The following DYTN variants were observed in gnomAD, a reference collection of about 807,000 sequenced individuals.
The protein encoded by DYTN is dystrotelin.
In DYTN, 75 loss-of-function variants were observed where a neutral mutation model predicts 69.6. That is an observed-to-expected ratio of 1.08 (90% CI 0.89 to 1.31). The LOEUF is 1.31. DYTN is among the 50% of genes most tolerant of loss of function. The pLI is 0.00. For synonymous variants in DYTN, 252 were observed against 249.1 expected (o/e 1.01, Z -0.11); for missense variants, 726 against 688.4 (o/e 1.05, Z -0.61).
intron 7 of DYTN, among the ~76,000 whole-genome samples, chr2:206,698,191 T>C (rs1699940935): frequency 6.6e-6 from 1 of 152,216 alleles, no homozygotes; most frequent in African/African-American, 2.4e-5. Context: ...CCTGCTTGCT[T>C]GGTTTCCAAC....
rs777967789 is a variant in DYTN at position 206,663,390 on chromosome 2, C to A, written c.1146G>T (p.Arg382Ser). Reference protein sequence around the residue: ...LQQIRRDLQARLQPPGPSSSS... With the variant: ...LQQIRRDLQASLQPPGPSSSS... ...AAGATGAAGGACCGGGTGGCTGCAACCTTGCCTGGGGAAACAAAACTTTAT... is the reference window on the plus strand; with the variant it reads ...AAGATGAAGGACCGGGTGGCTGCAAACTTGCCTGGGGAAACAAAACTTTAT... The change falls in exon 11 of 12, where the codon AGG (arginine) becomes AGT (serine). Residue 382 changes from arginine to serine, a missense_variant. By Grantham distance (110) the Arg-to-Ser change is moderately radical. Transcript: ENST00000452335. The A allele has an allele frequency of 1.9e-6, 3 of 1,581,342 alleles. No homozygotes were observed. Among genetic ancestry groups the A allele is most frequent in the African/African-American group, 2.7e-5 (2 of 73,266 alleles).
At chr2:206,655,053 G>A (rs1255649256) in intron 11 of DYTN, among the ~76,000 whole-genome samples, 1 of 152,094 alleles carries the variant, frequency 6.6e-6, no homozygotes, top group African/African-American at 2.4e-5. Flanking sequence ...CTTTGTTCCT[G>A]ATCTTAAAGA....
Position 206,668,080 on chromosome 2 carries a change from T to C in DYTN, c.981-2051A>G, listed in dbSNP as rs1239482726. Among the ~76,000 whole-genome samples the C allele has an allele frequency of 2.0e-5, 3 of 152,218 alleles. No homozygotes were observed. In the East Asian group the frequency reaches 5.8e-4, roughly 29 times the overall value. On this transcript the variant is annotated intron_variant, in intron 9 of 11. Transcript: ENST00000452335. ...TGGAGTTTCAGGTATATCTTTATGA[T>C]GGGTTTCTCAGAAAGGAGTCAGCCC...
intron 11 of DYTN, among the ~76,000 whole-genome samples, chr2:206,662,065 C>T (rs1247042469): frequency 6.6e-6 from 1 of 152,166 alleles, no homozygotes. Context: ...CACATAATCA[C>T]AAGGGTAAAT....
At chr2:206,700,359 G>A in intron 5 of DYTN, 143 bp from the exon 6 acceptor site, 1 of 859,478 alleles carries the variant, frequency 1.2e-6, no homozygotes, top group Non-Finnish European at 1.9e-6. Context: ...CTCAATCCAA[G>A]AGAACAAAGA....
At chr2:206,684,673 C>G (rs1699786356) in intron 9 of DYTN, among the ~76,000 whole-genome samples, 1 of 152,126 alleles carries the variant, frequency 6.6e-6, no homozygotes, top group Non-Finnish European at 1.5e-5. Context: ...GTCTAAGGGC[C>G]ATTTGCAACT....
At chr2:206,682,357 G>A (rs2105894168) in intron 9 of DYTN, among the ~76,000 whole-genome samples, 1 of 152,136 alleles carries the variant, frequency 6.6e-6, no homozygotes, top group South Asian at 2.1e-4. Flanking sequence ...CTTTTCAAGG[G>A]TAAAAGGTCA....
intron 9 of DYTN, among the ~76,000 whole-genome samples, chr2:206,684,653 CT>C (rs1354868267): frequency 1.3e-5 from 2 of 152,146 alleles, no homozygotes; most frequent in African/African-American, 4.8e-5. Context: ...GGTTGAGCAT[CT>C]TTTTGGGTGT....
At chr2:206,692,949 A>G (rs1028117195) in intron 9 of DYTN, among the ~76,000 whole-genome samples, 2 of 152,092 alleles carry the variant, frequency 1.3e-5, no homozygotes, top group African/African-American at 4.8e-5. Context: ...TGTAGAAATA[A>G]CTCTAAACAT....
intron 1 of DYTN, among the ~76,000 whole-genome samples, chr2:206,717,166 A>G (rs1003563950): frequency 6.6e-6 from 1 of 152,218 alleles, no homozygotes; most frequent in African/African-American, 2.4e-5. Context: ...AGAAATAGTA[A>G]CACAAGCTAC....
intron 5 of DYTN, 82 bp downstream of exon 5, chr2:206,704,761 A>C: frequency 3.3e-6 from 4 of 1,196,470 alleles, no homozygotes; most frequent in Non-Finnish European, 4.8e-6. Flanking sequence ...TAGACTTGAC[A>C]CTGGAGACAT....
At chr2:206,652,582 T>C (rs1574583137) in intron 11 of DYTN, among the ~76,000 whole-genome samples, 1 of 152,364 alleles carries the variant, frequency 6.6e-6, no homozygotes, top group African/African-American at 2.4e-5. Context: ...CACACCAAAG[T>C]ATTTTTGTGA....
chr2:206,717,515 T>C (rs1700141079), intron 1 of DYTN, among the ~76,000 whole-genome samples: 1 of 152,208 alleles, frequency 6.6e-6, no homozygotes, highest in Non-Finnish European at 1.5e-5. Context: ...TGAGACACAC[T>C]GCCTTAGAAA....
At position 206,662,928 on chromosome 2, in the gene DYTN, A is replaced by T. The variant is rs949975065; in HGVS notation, c.1608T>A (p.Asp536Glu). The T allele has an allele frequency of 3.7e-6, 6 of 1,613,344 alleles. No individual in the cohort carries two copies. In the African/African-American group the frequency reaches 8.0e-5, roughly 22 times the overall value. Residue 536 changes from aspartate to glutamate, a missense_variant, in exon 11 of 12, where the codon GAT (aspartate) becomes GAA (glutamate). Physicochemically the swap from Asp to Glu is conservative, Grantham distance 45 (BLOSUM62 2). Transcript: ENST00000452335. ...ELQELLSKLMDAFNLETPSGP... is the reference protein window; with the variant it reads ...ELQELLSKLMEAFNLETPSGP... ...CTGATGGCGTTTCTAGATTGAAGGCATCCATAAGTTTTGACAATAGTTCTT... is the reference window on the plus strand; with the variant it reads ...CTGATGGCGTTTCTAGATTGAAGGCTTCCATAAGTTTTGACAATAGTTCTT...
intron 7 of DYTN, among the ~76,000 whole-genome samples, chr2:206,697,357 A>AT (rs1699930501): frequency 6.6e-6 from 1 of 151,866 alleles, no homozygotes; most frequent in South Asian, 2.1e-4. Flanking sequence ...TCCTTCTAGA[A>AT]TTTTTTTCTT....
rs1323171805 is a variant in DYTN at position 206,662,985 on chromosome 2, C to A, written c.1551G>T (p.Glu517Asp). ...CCTCTTCCTCCAGCTCATCCTTTCT[C>A]TCCTTGATGTTACCTGCCTCTTTCT... ...VEKKEAGNIKERKDELEEEEL... is the reference protein window; with the variant it reads ...VEKKEAGNIKDRKDELEEEEL... Residue 517 changes from glutamate to aspartate, a missense_variant, in exon 11 of 12, where the codon GAG becomes GAT. By Grantham distance (45) the Glu-to-Asp change is conservative. Coordinates refer to ENST00000452335, the MANE Select transcript of DYTN (RefSeq NM_001093730.1). The A allele has an allele frequency of 1.2e-6, 2 of 1,613,826 alleles. No homozygotes were observed. Among genetic ancestry groups the A allele is most frequent in the Non-Finnish European group, 1.7e-6 (2 of 1,179,860 alleles).
In DYTN at chr2:206,662,967, C is replaced by T; in HGVS notation, c.1569G>A (p.Glu523=). The T allele has an allele frequency of 1.9e-6, 3 of 1,613,796 alleles. No individual in the cohort carries two copies. The highest frequency in any genetic ancestry group is 2.5e-6 in the Non-Finnish European group (3 of 1,179,860). ...ACAATAGTTCTTGCAGTTCCTCTTC[C>T]TCCAGCTCATCCTTTCTCTCCTTGA... ...GNIKERKDEL[E]EEELQELLSK... is the part of the protein sequence containing the mutation. Residue 523 remains glutamate, a synonymous_variant, in exon 11 of 12, where the codon GAG becomes GAA. Coordinates refer to ENST00000452335, the MANE Select transcript of DYTN (RefSeq NM_001093730.1).
At chr2:206,704,619 T>C (rs149922685) in intron 5 of DYTN, among the ~76,000 whole-genome samples, 3 of 152,286 alleles carry the variant, frequency 2.0e-5, no homozygotes, top group African/African-American at 7.2e-5. Context: ...TAGACAACAT[T>C]ATCTTTAGCC....
chr2:206,701,949 C>G (rs1699981860), intron 5 of DYTN, among the ~76,000 whole-genome samples: 1 of 152,084 alleles, frequency 6.6e-6, no homozygotes, highest in African/African-American at 2.4e-5. Context: ...AAAAATAAAG[C>G]CAAGAGTAAT....
Sources: gnomAD v4.1 joint callset for allele counts (sites outside exome capture counted in the v4.1 genomes callset) on GRCh38, gnomAD v4.1.1 for gene constraint, MANE v1.5 for transcripts, NCBI Gene and HGNC (gene_info 2026-07-23, HGNC 2026-07-21) for gene names.